Variants in PCDHGB6 observed in about 807,000 individuals in gnomAD.
PCDHGB6 encodes protocadherin gamma subfamily B, 6.
In PCDHGB6, 51 loss-of-function variants were observed where a neutral mutation model predicts 59.1. The ratio of observed to expected loss-of-function variants is 0.86; its 90% CI spans 0.69 to 1.09. The LOEUF is 1.09. Among genes scored for constraint, PCDHGB6 ranks in the 50% least tolerant of loss-of-function variants. PCDHGB6 has a pLI of 0.00. For missense variants in PCDHGB6, 1,148 were observed against 1,205.1 expected (o/e 0.95, Z 0.70); for synonymous variants, 466 against 495.1 (o/e 0.94, Z 0.78).
chr5:141,474,837 C>T (rs1250443544), intron 1 of PCDHGB6, among the ~76,000 whole-genome samples: 2 of 152,214 alleles, frequency 1.3e-5, no homozygotes, highest in Admixed American at 6.5e-5. Flanking sequence ...CTGTGCCAGG[C>T]ACTTTACCTG....
chr5:141,506,434 C>A lies in PCDHGB6; in HGVS notation c.2566+953C>A, dbSNP rs139627189. Among the ~76,000 whole-genome samples the A allele has an allele frequency of 8.5e-4, 112 of 131,752 alleles. 2 individuals are homozygous for A. The highest frequency in any genetic ancestry group is 3.3e-3 in the African/African-American group (107 of 32,408). 86.4% of individuals were successfully genotyped at this position (131,752 alleles called of 152,430 possible). ...TGCACTCCAGCCTGGGCAACAGTCT[C>A]GCTCTGTCTCAAAAAAAAAAAAAAA... On this transcript the variant is annotated intron_variant, in intron 3 of 3. Transcript: ENST00000520790.
At chr5:141,428,489 T>C (rs2097142285) in intron 1 of PCDHGB6, 1 of 312,516 alleles carries the variant, frequency 3.2e-6, no homozygotes. Context: ...TCCTGCAATC[T>C]GTATGTTCCC....
At chr5:141,415,793 T>C in intron 1 of PCDHGB6, 1 of 1,373,160 alleles carries the variant, frequency 7.3e-7, no homozygotes, top group Non-Finnish European at 9.4e-7. Context: ...AAAATTCACC[T>C]AGTCTCAATC....
Position 141,485,548 on chromosome 5 carries a change from T to C in PCDHGB6, c.2419-9259T>C, listed in dbSNP as rs749739126. ...ACCGAGCAGAGGTAGAGATCGTAGA[T>C]GTGAATGATCACGCCCCCCGTTTTC... On this transcript the variant is annotated intron_variant, in intron 1 of 3. Transcript: ENST00000520790. This position sits in a 1 kb window ranked among gnomAD's most constrained non-coding sequence, Gnocchi z 5.7. The C allele has an allele frequency of 3.1e-6, 5 of 1,614,040 alleles. No homozygotes were observed. The highest frequency in any genetic ancestry group is 3.4e-6 in the Non-Finnish European group (4 of 1,179,942).
rs539727453 is a variant in PCDHGB6 at position 141,487,510 on chromosome 5, C to G, written c.2419-7297C>G. ...GCTGTACACCCTTGGCTTCTGCACC[C>G]ACTCGGAGTGATAGCTTCATGATGG... On this transcript the variant is annotated intron_variant, in intron 1 of 3. Coordinates refer to ENST00000520790, the MANE Select transcript of PCDHGB6 (RefSeq NM_018926.3). This position sits in a 1 kb window ranked among gnomAD's most constrained non-coding sequence, Gnocchi z 5.0. The G allele has an allele frequency of 2.5e-6, 4 of 1,614,210 alleles. No homozygotes were observed. The highest frequency in any genetic ancestry group is 2.2e-5 in the East Asian group (1 of 44,860).
intron 1 of PCDHGB6, chr5:141,414,893 C>T: frequency 6.2e-7 from 1 of 1,614,248 alleles, no homozygotes; most frequent in Non-Finnish European, 8.5e-7. Context: ...GCCCTCCCCA[C>T]AGACGGTTCC....
intron 1 of PCDHGB6, chr5:141,417,545 T>C: frequency 3.2e-6 from 1 of 312,052 alleles, no homozygotes; most frequent in East Asian, 5.5e-5. Context: ...AAAAAATTCC[T>C]TGAAAGAGGT....
intron 1 of PCDHGB6, among the ~76,000 whole-genome samples, chr5:141,466,975 A>C (rs769024064): frequency 2.6e-5 from 4 of 151,842 alleles, no homozygotes; most frequent in Non-Finnish European, 5.9e-5. Context: ...CTCACAGCTC[A>C]TCATTTACCT....
chr5:141,446,482 CTT>C (rs112180482), intron 1 of PCDHGB6, among the ~76,000 whole-genome samples: 6 of 147,048 alleles, frequency 4.1e-5, no homozygotes, highest in East Asian at 4.0e-4. Context: ...GGTCATCATT[CTT>C]TTTTTTTTTT....
rs770596172 is a variant in PCDHGB6, at chr5:141,487,664, G to A, written c.2419-7143G>A. ...AATGCTTGAGGGTTATTCTGATCCA[G>A]GCATATGGCTAGGCCATGTCCTAGA... On this transcript the variant is annotated intron_variant, in intron 1 of 3. Transcript: ENST00000520790. The surrounding 1 kb of genome is among the most constrained non-coding windows in gnomAD (Gnocchi z 5.0). 1.9e-5 allele frequency: 31 copies of A among 1,613,048 alleles called. No individual in the cohort carries two copies. The South Asian group carries it at 3.4e-4, about 18-fold the overall frequency.
At chr5:141,482,382 T>C (rs935517099) in intron 1 of PCDHGB6, among the ~76,000 whole-genome samples, 1 of 152,146 alleles carries the variant, frequency 6.6e-6, no homozygotes, top group Admixed American at 6.6e-5. Context: ...ATAAAGTCCC[T>C]GTATGGAGCA....
chr5:141,443,309 C>T (rs2098379780), intron 1 of PCDHGB6, among the ~76,000 whole-genome samples: 1 of 131,436 alleles, frequency 7.6e-6, no homozygotes, highest in African/African-American at 3.4e-5. Flanking sequence ...GGCAAAAACC[C>T]ATCTCTACAA....
chr5:141,505,243 G>A (rs2099844728), intron 2 of PCDHGB6, 150 bp from the exon 3 acceptor site: 1 of 1,424,622 alleles, frequency 7.0e-7, no homozygotes, highest in Non-Finnish European at 9.4e-7. Flanking sequence ...CTGAAGGATT[G>A]TAGAAGTGCC....
At chr5:141,427,952 T>C (rs1311471634) in intron 1 of PCDHGB6, 38 of 1,587,018 alleles carry the variant, frequency 2.4e-5, no homozygotes, top group Non-Finnish European at 2.8e-5. Flanking sequence ...TCAATGACAA[T>C]GTGCCGCGGG....
intron 1 of PCDHGB6, among the ~76,000 whole-genome samples, chr5:141,482,771 A>ACCTAAAATCTCAAACAC (rs1168136626): frequency 4.9e-5 from 7 of 141,414 alleles, no homozygotes; most frequent in African/African-American, 8.5e-5. Flanking sequence ...ATTATCACTG[A>ACCTAAAATCTCAAACAC]ACCTTAAACT....
chr5:141,473,894 T>C (rs1224416966), intron 1 of PCDHGB6, among the ~76,000 whole-genome samples: 1 of 152,134 alleles, frequency 6.6e-6, no homozygotes, highest in Non-Finnish European at 1.5e-5. Context: ...GTTCTGTTGG[T>C]TCATGAAGAG....
Position 141,487,003 on chromosome 5 carries a change from C to T in PCDHGB6, c.2419-7804C>T. The stretch of plus-strand genomic sequence containing the variant: ...ACAATGCTTGGGTTTCCTATCAGCT[C>T]CTGGAGGCCCCAGATCCCAGCCTGT... On this transcript the variant is annotated intron_variant, in intron 1 of 3. Transcript: ENST00000520790. The surrounding 1 kb of genome is among the most constrained non-coding windows in gnomAD (Gnocchi z 5.0). 1 of 1,614,228 alleles carries T rather than the reference C, an allele frequency of 6.2e-7. No homozygotes were observed.
intron 1 of PCDHGB6, among the ~76,000 whole-genome samples, chr5:141,471,120 C>T (rs560582806): frequency 6.7e-6 from 1 of 149,470 alleles, no homozygotes; most frequent in South Asian, 2.1e-4. Context: ...GCGATCTTAC[C>T]TTCACTGCAA....
intron 1 of PCDHGB6, chr5:141,413,667 G>A: frequency 6.2e-7 from 1 of 1,613,836 alleles, no homozygotes; most frequent in Non-Finnish European, 8.5e-7. Flanking sequence ...CTATTGATCC[G>A]GATGTGGGCG....
Sources: allele counts gnomAD v4.1 joint callset (sites outside exome capture counted in the v4.1 genomes callset), GRCh38; gene constraint gnomAD v4.1.1; non-coding constraint Gnocchi (gnomAD v3.1); transcripts MANE v1.5; gene names NCBI Gene and HGNC (gene_info 2026-07-23, HGNC 2026-07-21).